Variants in DCTN1 observed in about 807,000 individuals in gnomAD.
The protein encoded by DCTN1 is 150 kDa dynein-associated polypeptide.
In DCTN1, 61 loss-of-function variants were observed where a neutral mutation model predicts 161.2. The ratio of observed to expected loss-of-function variants is 0.38; its 90% CI spans 0.31 to 0.47. The LOEUF is 0.47. Ranked by LOEUF, DCTN1 falls within the 20% of genes least tolerant of loss-of-function variation. The pLI is 0.99. For synonymous variants in DCTN1, 653 were observed against 632.4 expected (o/e 1.03, Z -0.49); for missense variants, 1,404 against 1,623.7 (o/e 0.86, Z 2.33).
rs887251429 is a variant in DCTN1 at position 74,368,774 on chromosome 2, T to C, written c.1808A>G (p.His603Arg). 2 of 1,614,262 alleles carry C rather than the reference T, an allele frequency of 1.2e-6. No homozygotes were observed. Among genetic ancestry groups the C allele is most frequent in the Non-Finnish European group, 1.7e-6 (2 of 1,180,050 alleles). Residue 603 changes from histidine to arginine, a missense_variant, in exon 16 of 32, where the codon CAT becomes CGT. By Grantham distance (29) the His-to-Arg change is conservative. Around this residue, in one of 9 missense-constraint regions of DCTN1, gnomAD observed 278 missense variants for 363.8 expected, o/e 0.76. Transcript: ENST00000628224. Reference sequence around the variant, plus strand: ...GAGCAACAGCACCAGAACGCAGTCATGGTCCCCACCTGGCCGAAGGAAGCT... The same window carrying C: ...GAGCAACAGCACCAGAACGCAGTCACGGTCCCCACCTGGCCGAAGGAAGCT... ...PDSFLRPGGD[H>R]DCVLVLLLMP...
At chr2:74,391,841 G>T (rs1314779400) in exon 1 of DCTN1, 2 of 453,712 alleles carry the variant, frequency 4.4e-6, no homozygotes, top group South Asian at 1.6e-5. Context: ...ACCGACGACC[G>T]ACGCCCAAGA....
upstream of DCTN1, chr2:74,385,104 T>C (rs1229196044): frequency 6.6e-6 from 1 of 152,184 alleles, no homozygotes; most frequent in African/African-American, 2.4e-5. Context: ...ACGGACTTCC[T>C]TCCCTTCTCC....
intron 31 of DCTN1, 112 bp downstream of exon 31, chr2:74,361,940 G>A (rs1423036672): frequency 1.7e-6 from 2 of 1,176,476 alleles, no homozygotes; most frequent in Non-Finnish European, 2.5e-6. Context: ...ATAACCCAAG[G>A]TATGCAGTTG....
chr2:74,386,305 C>T (rs1194491973), intron 1 of DCTN1, among the ~76,000 whole-genome samples: 1 of 152,180 alleles, frequency 6.6e-6, no homozygotes, highest in Admixed American at 6.5e-5. Context: ...GTAAGAGATT[C>T]ATCAAATACA....
At chr2:74,368,379 C>T (rs973672796) in intron 16 of DCTN1, 16 of 623,956 alleles carry the variant, frequency 2.6e-5, no homozygotes, top group Non-Finnish European at 4.1e-5. Context: ...AAGGTCTTTC[C>T]TGACTTAAAG....
intron 1 of DCTN1, chr2:74,390,615 CA>C (rs1675950463): frequency 2.1e-6 from 1 of 468,608 alleles, no homozygotes. Flanking sequence ...GTGACTCTCT[CA>C]AGGCAGCACA....
Position 74,370,112 on chromosome 2 carries a change from C to G in DCTN1, c.1288-43G>C. ...TAGGGAGAAGGGCTGCTGGAAGGTACCTAGAAAGAGGAGGCATCAACTGAT... is the reference window on the plus strand; with the variant it reads ...TAGGGAGAAGGGCTGCTGGAAGGTAGCTAGAAAGAGGAGGCATCAACTGAT... On this transcript the variant is annotated intron_variant, in intron 12 of 31. Coordinates refer to ENST00000628224, the MANE Select transcript of DCTN1 (RefSeq NM_004082.5). This position sits in a 1 kb window ranked among gnomAD's most constrained non-coding sequence, Gnocchi z 4.4. The G allele has an allele frequency of 6.2e-7, 1 of 1,614,092 alleles. No homozygotes were observed.
intron 5 of DCTN1, 55 bp from the exon 6 acceptor site, chr2:74,374,395 A>G: frequency 1.9e-6 from 3 of 1,610,972 alleles, no homozygotes; most frequent in Non-Finnish European, 2.5e-6. Context: ...GAGGAGGGAC[A>G]GAGGAGGATA....
At chr2:74,378,378 G>A in intron 1 of DCTN1, 133 bp from the exon 2 acceptor site, 1 of 1,102,546 alleles carries the variant, frequency 9.1e-7, no homozygotes, top group East Asian at 2.6e-5. Flanking sequence ...CCCATTTACA[G>A]AATTGGGTGG....
chr2:74,378,177 C>T lies in DCTN1; in HGVS notation c.102G>A (p.Glu34=), dbSNP rs1207116898. 1.9e-6 allele frequency: 3 copies of T among 1,613,846 alleles called. No individual in the cohort carries two copies. Among genetic ancestry groups the T allele is most frequent in the Non-Finnish European group, 2.5e-6 (3 of 1,180,048 alleles). ...TGCCTCGGTGGCCTTTTCCAATCAC[C>T]TCTACACGGGAGCCCACCCGCAGAG... ...ARPLRVGSRV[E]VIGKGHRGTV... The change falls in exon 2 of 32, where the codon GAG becomes GAA. Residue 34 remains glutamate, a synonymous_variant. Coordinates refer to ENST00000628224, the MANE Select transcript of DCTN1 (RefSeq NM_004082.5).
chr2:74,384,237 T>C (rs1675633184), upstream of DCTN1, among the ~76,000 whole-genome samples: 1 of 152,214 alleles, frequency 6.6e-6, no homozygotes. Context: ...CCAAAACAGA[T>C]TCCATTCTCT....
Position 74,380,212 on chromosome 2 carries a change from G to A in DCTN1, c.-175C>T. ...CGGTGGCCTACACGGGTAGGGGTGG[G>A]GGCAGTGATGGGGGCTGAGGAGCAA... On this transcript the variant is annotated 5_prime_UTR_variant, in exon 1 of 32. Transcript: ENST00000628224. 1 of 701,826 alleles carries A rather than the reference G, an allele frequency of 1.4e-6. No homozygotes were observed. The highest frequency in any genetic ancestry group is 1.5e-5 in the South Asian group (1 of 65,270). The allele number at this position is 701,826 out of a possible 1,614,324, so 43.5% of individuals were successfully genotyped here. A position where few individuals can be genotyped will look rare whatever the true frequency, so the allele number is the denominator to read the frequency against.
intron 26 of DCTN1, chr2:74,364,096 T>C (rs1674224641): frequency 1.0e-5 from 2 of 196,218 alleles, no homozygotes; most frequent in Admixed American, 1.1e-4. Flanking sequence ...CCTTCTTTTT[T>C]GGTGGGAAGT....
intron 1 of DCTN1, 58 bp downstream of exon 1, chr2:74,379,947 A>G: frequency 6.4e-7 from 1 of 1,560,148 alleles, no homozygotes; most frequent in South Asian, 1.1e-5. Flanking sequence ...TGATGTCCAC[A>G]GGCAGCCAGG....
upstream of DCTN1, chr2:74,380,618 C>G: frequency 2.1e-6 from 1 of 469,994 alleles, no homozygotes; most frequent in Non-Finnish European, 4.4e-6. Context: ...GGTCTCTCAT[C>G]TACCTTTCTG....
At chr2:74,378,298 A>G (rs1675343823) in intron 1 of DCTN1, 53 bp from the exon 2 acceptor site, 2 of 1,596,262 alleles carry the variant, frequency 1.3e-6, no homozygotes, top group Non-Finnish European at 1.7e-6. Flanking sequence ...CAAAGGTGGC[A>G]TTCTTATGTA....
At chr2:74,384,127 A>G (rs1396804973), upstream of DCTN1, among the ~76,000 whole-genome samples, 1 of 152,240 alleles carries the variant, frequency 6.6e-6, no homozygotes, top group Admixed American at 6.5e-5. Flanking sequence ...AGGAGAGAGA[A>G]AATGCGTCCT....
At chr2:74,374,145 ATGCCC>A (rs1160854846) in intron 6 of DCTN1, 173 bp downstream of exon 6, 2 of 693,274 alleles carry the variant, frequency 2.9e-6, no homozygotes, top group Admixed American at 4.1e-5. Flanking sequence ...CAGTAAGCAA[ATGCCC>A]AGGGTGTGGG....
chr2:74,366,205 A>G, intron 23 of DCTN1, 39 bp downstream of exon 23: 5 of 1,613,634 alleles, frequency 3.1e-6, no homozygotes, highest in East Asian at 4.5e-5. Context: ...TCTTACTCCT[A>G]CAGGCCTCTG....
Sources: allele counts gnomAD v4.1 joint callset (sites outside exome capture counted in the v4.1 genomes callset), GRCh38; gene constraint gnomAD v4.1.1; regional missense constraint gnomAD v4.1.1; non-coding constraint Gnocchi (gnomAD v3.1); transcripts MANE v1.5; gene names NCBI Gene and HGNC (gene_info 2026-07-23, HGNC 2026-07-21).